The following PIEZO2 variants were observed in gnomAD, a reference collection of about 807,000 sequenced individuals.
The protein encoded by PIEZO2 is piezo type mechanosensitive ion channel component 2.
A neutral mutation model predicts 337.3 loss-of-function variants in PIEZO2; 172 were observed. The ratio of observed to expected loss-of-function variants is 0.51; its 90% CI spans 0.45 to 0.58. The LOEUF (loss-of-function observed/expected upper bound fraction) is 0.58, where lower values mean the gene tolerates loss of function less well. PIEZO2 is among the 20% of genes least tolerant of loss of function. PIEZO2 has a pLI of 0.00. For synonymous variants in PIEZO2, 1,251 were observed against 1,228.5 expected (o/e 1.02, Z -0.38); for missense variants, 3,028 against 3,391.3 (o/e 0.89, Z 2.66).
chr18:11,010,519 C>A (rs2625352), intron 2 of PIEZO2, among the ~76,000 whole-genome samples: 81,070 of 151,470 alleles, frequency 0.54, 21,906 homozygotes, highest in African/African-American at 0.6. Context: ...AAACAACAAA[C>A]CACGTCTGCA....
chr18:10,787,960 A>G (rs2039280413), intron 15 of PIEZO2, among the ~76,000 whole-genome samples: 1 of 152,016 alleles, frequency 6.6e-6, no homozygotes, highest in Non-Finnish European at 1.5e-5. Flanking sequence ...TCAATGCACT[A>G]TACATATATA....
chr18:10,740,083 T>C (rs942924804), intron 33 of PIEZO2: 2 of 86,954 alleles, frequency 2.3e-5, no homozygotes, highest in African/African-American at 1.1e-4. Context: ...TATGGAGACA[T>C]CATGTAAAGA....
rs372166426 is a variant in PIEZO2 at position 10,850,875 on chromosome 18, A to G, written c.917+4478T>C. ...TTATTTTTCCAAATGACCAAAAAAC[A>G]TGTGTTTAGTATAACAGTGTGACAA... On this transcript the variant is annotated intron_variant, in intron 7 of 55. Coordinates refer to ENST00000674853, the MANE Select transcript of PIEZO2 (RefSeq NM_001378183.1). This position sits in a 1 kb window ranked among gnomAD's most constrained non-coding sequence, Gnocchi z 4.5. 2.8e-4 allele frequency among the ~76,000 whole-genome samples: 43 copies of G among 152,312 alleles called. 1 individual carries two copies. Among genetic ancestry groups the G allele is most frequent in the African/African-American group, 1.0e-3 (42 of 41,580 alleles).
At chr18:11,108,354 A>G (rs946313265) in intron 1 of PIEZO2, among the ~76,000 whole-genome samples, 15 of 152,112 alleles carry the variant, frequency 9.9e-5, no homozygotes, top group Non-Finnish European at 1.6e-4. Context: ...GGTGGCTTAC[A>G]CCTGTAATCC....
intron 1 of PIEZO2, among the ~76,000 whole-genome samples, chr18:11,118,523 A>G (rs1219810085): frequency 2.6e-5 from 4 of 152,242 alleles, no homozygotes; most frequent in African/African-American, 4.8e-5. Context: ...GATCTCATTC[A>G]AATGCCAACC....
intron 2 of PIEZO2, among the ~76,000 whole-genome samples, chr18:11,023,680 G>C (rs1220287211): frequency 3.9e-5 from 6 of 152,190 alleles, no homozygotes; most frequent in Non-Finnish European, 5.9e-5. Flanking sequence ...GTCCCTGTTC[G>C]GGCACTGTGG....
At chr18:11,091,685 G>C (rs1478986406) in intron 1 of PIEZO2, among the ~76,000 whole-genome samples, 1 of 152,160 alleles carries the variant, frequency 6.6e-6, no homozygotes, top group East Asian at 1.9e-4. Flanking sequence ...GCCCATGTCT[G>C]GCATACGGCT....
chr18:10,985,948 TA>T (rs200009816), intron 2 of PIEZO2, among the ~76,000 whole-genome samples: 13 of 151,336 alleles, frequency 8.6e-5, no homozygotes, highest in East Asian at 1.9e-4. Context: ...GCCGAATGGA[TA>T]AAAAAAAATC....
intron 39 of PIEZO2, among the ~76,000 whole-genome samples, chr18:10,711,356 G>A (rs1234754258): frequency 6.6e-6 from 1 of 152,066 alleles, no homozygotes; most frequent in Non-Finnish European, 1.5e-5. Context: ...CACTGATTCA[G>A]AGTTTGGTTC....
intron 17 of PIEZO2, among the ~76,000 whole-genome samples, chr18:10,780,685 T>TTC (rs1555645143): frequency 2.7e-5 from 4 of 150,322 alleles, no homozygotes; most frequent in Non-Finnish European, 5.9e-5. Flanking sequence ...TTTTTTTTTT[T>TTC]CAGAGTCTTG....
At position 10,773,726 on chromosome 18, in the gene PIEZO2, G is replaced by A; in HGVS notation, c.2568-97C>T. The A allele has an allele frequency of 1.0e-5, 12 of 1,179,078 alleles. No homozygotes were observed. Among genetic ancestry groups the A allele is most frequent in the Non-Finnish European group, 1.4e-5 (12 of 832,078 alleles). The allele number at this position is 1,179,078 out of a possible 1,614,324, so 73.0% of individuals were successfully genotyped here. A position where few individuals can be genotyped will look rare whatever the true frequency, so the allele number is the denominator to read the frequency against. ...AGGAGGATAAACACAAATGAAATCA[G>A]TGCATGTACAAAGACCTCACAAGGT... On this transcript the variant is annotated intron_variant, in intron 19 of 55. Transcript: ENST00000674853. The surrounding 1 kb of genome is among the most constrained non-coding windows in gnomAD (Gnocchi z 5.3).
At position 10,731,175 on chromosome 18, in the gene PIEZO2, GATTATATATATATAT is replaced by G. The variant is rs1484060357; in HGVS notation, c.5029+217_5029+231del. ...AACTCTCCTTTTTTCCTACTTAAAA[GATTATATATATATAT>G]ATATATATATATATATATATATATA... On this transcript the variant is annotated intron_variant, in intron 36 of 55. Transcript: ENST00000674853. Among the ~76,000 whole-genome samples, 552 of 117,820 alleles carry G rather than the reference GATTATATATATATAT, an allele frequency of 4.7e-3. 13 individuals carry two copies. Among genetic ancestry groups the G allele is most frequent in the African/African-American group, 0.013 (423 of 33,238 alleles). 77.3% of individuals were successfully genotyped at this position (117,820 alleles called of 152,430 possible). A position where few individuals can be genotyped will look rare whatever the true frequency, so the allele number is the denominator to read the frequency against.
Position 10,696,304 on chromosome 18 carries a change from C to A in PIEZO2, c.6976-16G>T. 5.0e-6 allele frequency: 8 copies of A among 1,613,938 alleles called. No homozygotes were observed. The highest frequency in any genetic ancestry group is 6.8e-6 in the Non-Finnish European group (8 of 1,179,802). ...CTGAGTGTTTCTGGGGAAGAGACAA[C>A]AAATTCATGCCCAAGAGAGGCAATT... is the stretch of plus-strand genomic sequence containing the variant. On this transcript the variant is annotated splice_polypyrimidine_tract_variant and intron_variant, in intron 46 of 55. Transcript: ENST00000674853.
intron 17 of PIEZO2, among the ~76,000 whole-genome samples, chr18:10,782,228 T>G (rs1218927903): frequency 4.6e-5 from 6 of 129,938 alleles, no homozygotes; most frequent in African/African-American, 1.7e-4. Context: ...TATCATAATA[T>G]ATATGATTAT....
intron 16 of PIEZO2, among the ~76,000 whole-genome samples, chr18:10,786,317 C>G (rs2039223229): frequency 6.6e-6 from 1 of 152,188 alleles, no homozygotes; most frequent in African/African-American, 2.4e-5. Flanking sequence ...CTGTCTTGTT[C>G]CCTGTCATAT....
At chr18:10,871,628 A>G (rs1476938446) in intron 4 of PIEZO2, among the ~76,000 whole-genome samples, 2 of 152,202 alleles carry the variant, frequency 1.3e-5, no homozygotes, top group African/African-American at 4.8e-5. Flanking sequence ...AGTTTCAGAA[A>G]TATTATAAAG....
At chr18:10,984,763 G>C (rs1474020359) in intron 2 of PIEZO2, among the ~76,000 whole-genome samples, 1 of 152,012 alleles carries the variant, frequency 6.6e-6, no homozygotes, top group Non-Finnish European at 1.5e-5. Flanking sequence ...AAGAGGTTGA[G>C]TAAAAAGAGG....
chr18:11,064,228 G>A (rs1304358883), intron 2 of PIEZO2, among the ~76,000 whole-genome samples: 1 of 152,106 alleles, frequency 6.6e-6, no homozygotes, highest in Non-Finnish European at 1.5e-5. Flanking sequence ...ATCCTTGCTT[G>A]GAGCCCCTCT....
intron 1 of PIEZO2, among the ~76,000 whole-genome samples, chr18:11,123,690 G>T (rs1462809910): frequency 6.6e-6 from 1 of 152,022 alleles, no homozygotes; most frequent in East Asian, 1.9e-4. Flanking sequence ...GGCACCTGTA[G>T]TCCCAGCTAC....
Sources: allele counts gnomAD v4.1 joint callset (sites outside exome capture counted in the v4.1 genomes callset), GRCh38; gene constraint gnomAD v4.1.1; non-coding constraint Gnocchi (gnomAD v3.1); transcripts MANE v1.5; gene names NCBI Gene and HGNC (gene_info 2026-07-23, HGNC 2026-07-21).